ROCK1: variants seen among roughly 807,000 people sequenced by gnomAD.
ROCK1 encodes the protein Rho associated coiled-coil containing protein kinase 1, also known as rho-associated protein kinase 1.
Under a neutral mutation model 196.8 loss-of-function variants are expected in ROCK1, and 36 were observed. The observed-to-expected ratio is 0.18, with a 90% CI of 0.14 to 0.24. The LOEUF (loss-of-function observed/expected upper bound fraction) is 0.24, where lower values mean the gene tolerates loss of function less well. Among genes scored for constraint, ROCK1 ranks in the 10% least tolerant of loss-of-function variants. The probability of loss-of-function intolerance (pLI) is 1.00; values close to 1 mark genes in which losing one functional copy is unlikely to be tolerated. For missense variants in ROCK1, 920 were observed against 1,562.0 expected, an observed-to-expected ratio of 0.59 and a Z score of 6.93; for synonymous variants, 443 against 515.9, an observed-to-expected ratio of 0.86 and a Z score of 1.91.
At chr18:20,990,520 G>A (rs1278011040) in intron 18 of ROCK1, among the ~76,000 whole-genome samples, 1 of 150,730 alleles carries the variant, frequency 6.6e-6, no homozygotes, top group African/African-American at 2.4e-5. Context: ...ATAGTGAAAC[G>A]CTGTCTCTAC....
chr18:21,111,164 G>C lies in ROCK1; in HGVS notation c.-254C>G. On this transcript the variant is annotated 5_prime_UTR_variant, in exon 1 of 33. Coordinates refer to ENST00000399799, the MANE Select transcript of ROCK1 (RefSeq NM_005406.3). This position sits in a 1 kb window ranked among gnomAD's most constrained non-coding sequence, Gnocchi z 4.2. ...TCCCACCCGGCAGCCCCTCACGACA[G>C]CCGACAGCGCCGTCGCCACCAGCCT... 1.5e-5 allele frequency: 8 copies of C among 548,952 alleles called. No individual in the cohort carries two copies. In the South Asian group the frequency reaches 1.9e-4, roughly 13 times the overall value. 34.0% of individuals were successfully genotyped at this position (548,952 alleles called of 1,614,324 possible). A position where few individuals can be genotyped will look rare whatever the true frequency, so the allele number is the denominator to read the frequency against.
At position 21,020,079 on chromosome 18, in the gene ROCK1, AG is replaced by A. The variant is rs2035901500; in HGVS notation, c.1361+71del. On this transcript the variant is annotated intron_variant, in intron 12 of 32. Coordinates refer to ENST00000399799, the MANE Select transcript of ROCK1 (RefSeq NM_005406.3). ...TTTCTATTTACTTTCAGATGTTTACAGGGTATAAGCTTTCAAGTAAGTATTT... is the reference window on the plus strand; with the variant it reads ...TTTCTATTTACTTTCAGATGTTTACAGGTATAAGCTTTCAAGTAAGTATTT... The A allele has an allele frequency of 4.4e-5, 35 of 801,714 alleles. No homozygotes were observed. The South Asian group carries it at 5.2e-4, about 12-fold the overall frequency. 49.7% of individuals were successfully genotyped at this position (801,714 alleles called of 1,614,324 possible).
intron 22 of ROCK1, among the ~76,000 whole-genome samples, chr18:20,976,819 GA>G (rs919040059): frequency 3.3e-5 from 5 of 152,074 alleles, no homozygotes; most frequent in African/African-American, 1.2e-4. Context: ...CAATAGGCCT[GA>G]AATTAAAATA....
intron 22 of ROCK1, among the ~76,000 whole-genome samples, chr18:20,971,305 T>TACACACAC (rs374530206): frequency 0.094 from 12,877 of 136,600 alleles, 693 homozygotes; most frequent in Admixed American, 0.16. Context: ...ATAGTAAACA[T>TACACACAC]ACACACACAC....
chr18:21,107,770 T>C (rs2036715351), intron 1 of ROCK1, among the ~76,000 whole-genome samples: 1 of 152,198 alleles, frequency 6.6e-6, no homozygotes, highest in African/African-American at 2.4e-5. Flanking sequence ...AATTCAGTCT[T>C]GGGCCAGGCA....
At chr18:21,100,019 G>C (rs2036644928) in intron 1 of ROCK1, among the ~76,000 whole-genome samples, 1 of 151,978 alleles carries the variant, frequency 6.6e-6, no homozygotes. Context: ...CTGGGCGACA[G>C]AGCAAGACTG....
chr18:20,959,046 TA>T (rs1401297470), intron 29 of ROCK1, among the ~76,000 whole-genome samples: 28 of 50,532 alleles, frequency 5.5e-4, no homozygotes, highest in African/African-American at 3.7e-3. Flanking sequence ...ATATAATATA[TA>T]ATATATATAT....
chr18:21,022,756 G>T (rs1463467011), intron 11 of ROCK1, among the ~76,000 whole-genome samples: 1 of 152,020 alleles, frequency 6.6e-6, no homozygotes, highest in Non-Finnish European at 1.5e-5. Context: ...GGGTGCTTTA[G>T]TACCCTTTAT....
chr18:21,022,750 G>A (rs550218303), intron 11 of ROCK1, among the ~76,000 whole-genome samples: 1 of 152,174 alleles, frequency 6.6e-6, no homozygotes, highest in Non-Finnish European at 1.5e-5. Flanking sequence ...ATACATGGGT[G>A]CTTTAGTACC....
chr18:21,018,017 C>T (rs2035879532), intron 12 of ROCK1, among the ~76,000 whole-genome samples: 1 of 151,540 alleles, frequency 6.6e-6, no homozygotes, highest in Non-Finnish European at 1.5e-5. Context: ...TAAAGAAATG[C>T]AAGTAAATAT....
intron 27 of ROCK1, among the ~76,000 whole-genome samples, chr18:20,961,208 A>G (rs549121870): frequency 6.6e-6 from 1 of 152,314 alleles, no homozygotes; most frequent in South Asian, 2.1e-4. Context: ...GAATAGAAAA[A>G]TAACCAATTT....
chr18:20,981,990 G>A (rs1209624116), intron 21 of ROCK1, among the ~76,000 whole-genome samples: 3 of 152,152 alleles, frequency 2.0e-5, no homozygotes, highest in African/African-American at 7.2e-5. Context: ...TTAATCCAAT[G>A]CCCACAAGCA....
At chr18:20,974,731 C>A (rs977785338) in intron 22 of ROCK1, among the ~76,000 whole-genome samples, 37 of 152,194 alleles carry the variant, frequency 2.4e-4, no homozygotes, top group African/African-American at 8.7e-4. Flanking sequence ...TAAAGAATGG[C>A]TTTGTTCTTG....
At chr18:21,028,719 A>G in intron 10 of ROCK1, 57 bp downstream of exon 10, 6 of 1,438,008 alleles carry the variant, frequency 4.2e-6, no homozygotes, top group Non-Finnish European at 5.6e-6. Flanking sequence ...TGATTTTTAG[A>G]TATTTCTAAG....
chr18:21,045,514 C>T (rs768387083), intron 4 of ROCK1, 47 bp from the exon 5 acceptor site: 49 of 1,409,686 alleles, frequency 3.5e-5, no homozygotes, highest in Non-Finnish European at 4.2e-5. Context: ...TAATGTTAAA[C>T]AAAATTGTTT....
At position 20,967,929 on chromosome 18, in the gene ROCK1, T is replaced by C. The variant is rs777891737; in HGVS notation, c.3015A>G (p.Lys1005=). 19 of 1,544,248 alleles carry C rather than the reference T, an allele frequency of 1.2e-5. No individual in the cohort carries two copies. The highest frequency in any genetic ancestry group is 1.6e-5 in the Non-Finnish European group (18 of 1,135,154). Residue 1005 remains lysine, a synonymous_variant, in exon 26 of 33, where the codon AAA becomes AAG. Transcript: ENST00000399799. ...CTTTTCGATTCATTATTTCTGCCAA[T>C]TTGTTAACAGCCTATTAAAATATTA... ...ERTLKTQAVN[K]LAEIMNRKDF...
At position 20,982,825 on chromosome 18, in the gene ROCK1, T is replaced by C; in HGVS notation, c.2497A>G (p.Arg833Gly). The change falls in exon 21 of 33, where the codon AGA becomes GGA. Residue 833 changes from arginine to glycine, a missense_variant. Transcript: ENST00000399799. The stretch of plus-strand genomic sequence containing the variant: ...TCCCGCATCTGTCCTTCATTTCCTC[T>C]ATACTGTCTTCAGATGAAAAGAAAA... ...FELAQLTKQY[R>G]GNEGQMRELQ... 1 of 1,525,400 alleles carries C rather than the reference T, an allele frequency of 6.6e-7. No individual in the cohort carries two copies. Among genetic ancestry groups the C allele is most frequent in the Non-Finnish European group, 9.1e-7 (1 of 1,102,646 alleles). The allele number at this position is 1,525,400 out of a possible 1,614,324, so 94.5% of individuals were successfully genotyped here. A position where few individuals can be genotyped will look rare whatever the true frequency, so the allele number is the denominator to read the frequency against.
chr18:21,053,375 C>T (rs1383716597), intron 2 of ROCK1, among the ~76,000 whole-genome samples: 1 of 151,900 alleles, frequency 6.6e-6, no homozygotes, highest in African/African-American at 2.4e-5. Flanking sequence ...TTTTTTCTCA[C>T]TGTTGCTGTC....
chr18:21,110,762 GA>G, intron 1 of ROCK1, 55 bp downstream of exon 1: 1 of 1,372,764 alleles, frequency 7.3e-7, no homozygotes, highest in Middle Eastern at 1.8e-4. Flanking sequence ...ACTAATGCAA[GA>G]GGAAGGAAAG....
Sources: allele counts gnomAD v4.1 joint callset (sites outside exome capture counted in the v4.1 genomes callset), GRCh38; gene constraint gnomAD v4.1.1; non-coding constraint Gnocchi (gnomAD v3.1); transcripts MANE v1.5; gene names NCBI Gene and HGNC (gene_info 2026-07-23, HGNC 2026-07-21).